Variants in KCNN3 observed in about 807,000 individuals in gnomAD.
The protein encoded by KCNN3 is small conductance calcium-activated potassium channel protein 3.
Under a neutral mutation model 62.9 loss-of-function variants are expected in KCNN3, and 16 were observed. The observed-to-expected ratio is 0.25, with a 90% CI of 0.17 to 0.39. KCNN3 has a LOEUF of 0.39. KCNN3 is among the 10% of genes least tolerant of loss of function. KCNN3 has a pLI of 1.00. For missense variants in KCNN3, 599 were observed against 949.4 expected, an observed-to-expected ratio of 0.63 and a Z score of 4.85; for synonymous variants, 370 against 389.2, an observed-to-expected ratio of 0.95 and a Z score of 0.58.
chr1:154,861,986 C>T (rs1196896479), intron 1 of KCNN3, among the ~76,000 whole-genome samples: 1 of 152,168 alleles, frequency 6.6e-6, no homozygotes, highest in African/African-American at 2.4e-5. Flanking sequence ...GCACTCACTG[C>T]CCATGACAGA....
At position 154,772,067 on chromosome 1, in the gene KCNN3, C is replaced by G; in HGVS notation, c.1356G>C (p.Lys452Asn). The change falls in exon 3 of 8, where the codon AAG becomes AAC. Residue 452 changes from lysine to asparagine, a missense_variant. Lys to Asn is a moderately conservative substitution (Grantham distance 94). Transcript: ENST00000271915. This position sits in a 1 kb window ranked among gnomAD's most constrained non-coding sequence, Gnocchi z 5.6. ...TGCCAGGGCAGATGGTCATGAGCGT[C>G]TTCATGACAAAGCGGGTGTTGAAGT... ...KINFNTRFVMKTLMTICPGTV... is the reference protein window; with the variant it reads ...KINFNTRFVMNTLMTICPGTV... The G allele has an allele frequency of 6.2e-7, 1 of 1,614,142 alleles. No homozygotes were observed. Among genetic ancestry groups the G allele is most frequent in the Non-Finnish European group, 8.5e-7 (1 of 1,179,988 alleles).
chr1:154,755,547 GAAGGAAGA>G (rs1257748569), intron 3 of KCNN3, among the ~76,000 whole-genome samples: 2 of 97,034 alleles, frequency 2.1e-5, no homozygotes, highest in South Asian at 9.1e-4. Flanking sequence ...GGAAAGGAAG[GAAGGAAGA>G]AAGAAAGAAA....
intron 2 of KCNN3, among the ~76,000 whole-genome samples, chr1:154,810,969 C>A (rs74115881): frequency 0.025 from 3,740 of 152,320 alleles, 157 homozygotes; most frequent in African/African-American, 0.079. Context: ...CATCTCTTAC[C>A]TTCTCTGCTT....
chr1:154,773,808 A>G (rs1648672845), intron 2 of KCNN3, among the ~76,000 whole-genome samples: 1 of 152,246 alleles, frequency 6.6e-6, no homozygotes, highest in Admixed American at 6.5e-5. Context: ...ACCTGAGCTG[A>G]GCCCTGTAAG....
At chr1:154,743,616 C>T (rs535882890) in intron 3 of KCNN3, among the ~76,000 whole-genome samples, 4 of 152,194 alleles carry the variant, frequency 2.6e-5, no homozygotes, top group Non-Finnish European at 4.4e-5. Flanking sequence ...CGGTGGAAAG[C>T]GTACTTCAAA....
chr1:154,753,074 A>C (rs1647463405), intron 3 of KCNN3, among the ~76,000 whole-genome samples: 1 of 152,364 alleles, frequency 6.6e-6, no homozygotes, highest in East Asian at 1.9e-4. Flanking sequence ...AATTATAAAC[A>C]AGACAATTTA....
At chr1:154,756,276 G>A (rs958912313) in intron 3 of KCNN3, among the ~76,000 whole-genome samples, 5 of 151,208 alleles carry the variant, frequency 3.3e-5, no homozygotes, top group South Asian at 2.1e-4. Flanking sequence ...AGAAGACGAC[G>A]ACGATGAAAA....
chr1:154,707,286 A>G lies in KCNN3; in HGVS notation c.*690T>C, dbSNP rs1234350988. 3 of 152,116 alleles carry G rather than the reference A, an allele frequency of 2.0e-5. No individual in the cohort carries two copies. The highest frequency in any genetic ancestry group is 1.5e-5 in the Non-Finnish European group (1 of 68,028). The allele number at this position is 152,116 out of a possible 1,614,324, so 9.4% of individuals were successfully genotyped here. On this transcript the variant is annotated 3_prime_UTR_variant, in exon 8 of 8. Transcript: ENST00000271915. ...AGGGTAAGGTGTCAAGTCCCTTTTT[A>G]TTTGGATTAAGCTCAAATAAGAAAG... is the stretch of plus-strand genomic sequence containing the variant.
chr1:154,837,801 C>A (rs1651654246), intron 1 of KCNN3, among the ~76,000 whole-genome samples: 1 of 152,218 alleles, frequency 6.6e-6, no homozygotes, highest in Non-Finnish European at 1.5e-5. Flanking sequence ...CAGGTGGCAA[C>A]CCCGAAGCAG....
At chr1:154,724,504 A>C (rs1700421099) in intron 5 of KCNN3, among the ~76,000 whole-genome samples, 1 of 152,258 alleles carries the variant, frequency 6.6e-6, no homozygotes, top group Non-Finnish European at 1.5e-5. Context: ...ACAGTCTTGC[A>C]GGAAATCATC....
chr1:154,777,174 C>A (rs1253319392), intron 2 of KCNN3, among the ~76,000 whole-genome samples: 1 of 152,166 alleles, frequency 6.6e-6, no homozygotes, highest in Non-Finnish European at 1.5e-5. Flanking sequence ...CCCCAAGGTA[C>A]CTCCTGCTCT....
chr1:154,780,194 C>CTTTTTTTTTTTTTTTTTTTTT (rs71077969), intron 2 of KCNN3, among the ~76,000 whole-genome samples: 2 of 102,064 alleles, frequency 2.0e-5, no homozygotes, highest in East Asian at 3.8e-4. Context: ...TTCTTTTTTT[C>CTTTTTTTTTTTTTTTTTTTTT]TTTTTTTTTT....
intron 3 of KCNN3, among the ~76,000 whole-genome samples, chr1:154,739,439 G>A (rs940001410): frequency 9.2e-5 from 14 of 151,880 alleles, no homozygotes; most frequent in Non-Finnish European, 1.6e-4. Flanking sequence ...TCATTTCCTC[G>A]TTTTTCTTCA....
chr1:154,864,690 A>G (rs1451814723), intron 1 of KCNN3, among the ~76,000 whole-genome samples: 2 of 152,234 alleles, frequency 1.3e-5, no homozygotes, highest in Non-Finnish European at 2.9e-5. Flanking sequence ...CTGGATAAGC[A>G]TCTTCACACC....
rs1400462374 is a variant in KCNN3 at position 154,756,045 on chromosome 1, GGAGGAGGAA to G, written c.1448+15921_1448+15929del. On this transcript the variant is annotated intron_variant, in intron 3 of 7. Transcript: ENST00000271915. ...AAGAAGACGATGATGAAAAGGAGGA[GGAGGAGGAA>G]GAGGAAGAGGAAGAAGAAGGAGGAG... Among the ~76,000 whole-genome samples, 32 of 135,156 alleles carry G rather than the reference GGAGGAGGAA, an allele frequency of 2.4e-4. 1 individual carries two copies. Among genetic ancestry groups the G allele is most frequent in the South Asian group, 7.0e-4 (3 of 4,280 alleles). 88.7% of individuals were successfully genotyped at this position (135,156 alleles called of 152,430 possible). A position where few individuals can be genotyped will look rare whatever the true frequency, so the allele number is the denominator to read the frequency against.
intron 6 of KCNN3, among the ~76,000 whole-genome samples, chr1:154,714,055 T>C (rs867509070): frequency 0.016 from 637 of 40,766 alleles, 1 homozygote; most frequent in Middle Eastern, 0.06. Flanking sequence ...GTGCGGGGTG[T>C]GTGTGTGTGT....
At chr1:154,749,293 T>C (rs1252710597) in intron 3 of KCNN3, among the ~76,000 whole-genome samples, 2 of 152,226 alleles carry the variant, frequency 1.3e-5, no homozygotes, top group Non-Finnish European at 2.9e-5. Context: ...GCAAGAGCCC[T>C]AAAGAAAAGA....
chr1:154,768,729 G>A (rs55829123), intron 3 of KCNN3, among the ~76,000 whole-genome samples: 42,963 of 152,088 alleles, frequency 0.28, 6,620 homozygotes, highest in Middle Eastern at 0.43. Context: ...GGGGGCATCT[G>A]TCCCCTTCAT....
chr1:154,724,859 C>CT (rs11362418), intron 5 of KCNN3, among the ~76,000 whole-genome samples: 4,734 of 138,392 alleles, frequency 0.034, 100 homozygotes, highest in Non-Finnish European at 0.049. Flanking sequence ...TAGAATGATT[C>CT]TTTTTTTTTT....
Sources: allele counts gnomAD v4.1 joint callset (sites outside exome capture counted in the v4.1 genomes callset), GRCh38; gene constraint gnomAD v4.1.1; non-coding constraint Gnocchi (gnomAD v3.1); transcripts MANE v1.5; gene names NCBI Gene and HGNC (gene_info 2026-07-23, HGNC 2026-07-21).